Variants in CHD7 observed in about 807,000 individuals in gnomAD.
The protein encoded by CHD7 is chromodomain helicase DNA binding protein 7.
In CHD7, 24 loss-of-function variants were observed where a neutral mutation model predicts 307.3. That is an observed-to-expected ratio of 0.08 (90% CI 0.06 to 0.11). The LOEUF (loss-of-function observed/expected upper bound fraction) is 0.11. Among genes scored for constraint, CHD7 ranks in the 10% least tolerant of loss-of-function variants. The pLI, the probability that CHD7 is intolerant of heterozygous loss-of-function variation, is 1.00. For synonymous variants in CHD7, 1,363 were observed against 1,349.9 expected, an observed-to-expected ratio of 1.01 and a Z score of -0.21; for missense variants, 3,106 against 3,727.1, an observed-to-expected ratio of 0.83 and a Z score of 4.34.
At chr8:60,760,767 A>G (rs1472166514) in intron 2 of CHD7, among the ~76,000 whole-genome samples, 1 of 151,314 alleles carries the variant, frequency 6.6e-6, no homozygotes, top group Non-Finnish European at 1.5e-5. Context: ...TGGCCATCAG[A>G]GAAATGCAAA....
At chr8:60,776,328 T>C (rs967968037) in intron 2 of CHD7, among the ~76,000 whole-genome samples, 1 of 152,228 alleles carries the variant, frequency 6.6e-6, no homozygotes, top group African/African-American at 2.4e-5. Context: ...AGAATATTTT[T>C]GTGCTTTTTA....
chr8:60,862,317 A>G lies in CHD7; in HGVS notation c.7952A>G (p.Asn2651Ser), dbSNP rs780161032. The change falls in exon 36 of 38, where the codon AAT (asparagine) becomes AGT (serine). Residue 2651 changes from asparagine to serine, a missense_variant. Physicochemically the swap from Asn to Ser is conservative, Grantham distance 46 (BLOSUM62 1). This residue lies in a region of CHD7 where 59 missense variants were observed against 106.2 expected (regional missense o/e 0.56). Transcript: ENST00000423902. Reference sequence around the variant, plus strand: ...GGAGAAGAAAGGGTGCCTGTTGTCAATAAACGAAATGGGAAGAAGGTAAAC... The same window carrying G: ...GGAGAAGAAAGGGTGCCTGTTGTCAGTAAACGAAATGGGAAGAAGGTAAAC... ...LTGEERVPVV[N>S]KRNGKKMGGA... 1.8e-5 allele frequency: 29 copies of G among 1,604,512 alleles called. No individual in the cohort carries two copies. Among genetic ancestry groups the G allele is most frequent in the African/African-American group, 6.7e-5 (5 of 74,370 alleles).
At chr8:60,792,680 C>T (rs772488398) in intron 3 of CHD7, among the ~76,000 whole-genome samples, 11 of 152,158 alleles carry the variant, frequency 7.2e-5, no homozygotes, top group Non-Finnish European at 1.5e-4. Flanking sequence ...ATTGATGTTT[C>T]CTCAAACCTG....
At chr8:60,696,375 C>G (rs539400644) in intron 1 of CHD7, among the ~76,000 whole-genome samples, 1 of 152,308 alleles carries the variant, frequency 6.6e-6, no homozygotes, top group Admixed American at 6.5e-5. Context: ...TGCCTGACCG[C>G]TTAACTGTGT....
intron 1 of CHD7, among the ~76,000 whole-genome samples, chr8:60,720,752 A>T (rs958130029): frequency 1.1e-4 from 17 of 152,136 alleles, no homozygotes; most frequent in African/African-American, 3.9e-4. Flanking sequence ...AGGCTACTTA[A>T]CCTTTGAGCC....
rs142158335 is a variant in CHD7 at position 60,791,910 on chromosome 8, G to C, written c.2097-3076G>C. Among the ~76,000 whole-genome samples the C allele has an allele frequency of 3.5e-3, 533 of 152,302 alleles. 7 individuals carry two copies. Among genetic ancestry groups the C allele is most frequent in the African/African-American group, 0.012 (506 of 41,560 alleles). On this transcript the variant is annotated intron_variant, in intron 3 of 37. Coordinates refer to ENST00000423902, the MANE Select transcript of CHD7 (RefSeq NM_017780.4). ...ATCCTCAGTGAAGGGGGTCCTGTCT[G>C]TAAGTCTCTGCAGTTGAATCGGCCC...
chr8:60,833,034 A>G (rs1804592181), intron 15 of CHD7, among the ~76,000 whole-genome samples: 2 of 152,218 alleles, frequency 1.3e-5, no homozygotes, highest in South Asian at 4.1e-4. Context: ...CTGCCCAGAT[A>G]ACTTACGCAG....
intron 2 of CHD7, among the ~76,000 whole-genome samples, chr8:60,763,977 G>T (rs4738821): frequency 0.83 from 125,576 of 152,110 alleles, 52,099 homozygotes; most frequent in East Asian, 0.94. Context: ...GACTGAAATA[G>T]TTCTTTCTTT....
At chr8:60,795,197 C>T (rs1426609811) in intron 4 of CHD7, 70 bp downstream of exon 4, 3 of 1,411,534 alleles carry the variant, frequency 2.1e-6, no homozygotes, top group Non-Finnish European at 2.0e-6. Flanking sequence ...GTATGAAGTA[C>T]ACAAGACCTC....
intron 12 of CHD7, 83 bp downstream of exon 12, chr8:60,822,829 G>A (rs1373275845): frequency 2.2e-6 from 3 of 1,349,086 alleles, no homozygotes; most frequent in Non-Finnish European, 2.9e-6. Context: ...TGGTGACTTG[G>A]GAAGGTCTAA....
At chr8:60,746,098 A>G (rs1021990884) in intron 2 of CHD7, among the ~76,000 whole-genome samples, 13 of 152,242 alleles carry the variant, frequency 8.5e-5, no homozygotes, top group African/African-American at 2.6e-4. Flanking sequence ...CAGTGGCGCA[A>G]TCTTGGCTCA....
At chr8:60,810,434 T>G (rs185712701) in intron 7 of CHD7, among the ~76,000 whole-genome samples, 1 of 151,842 alleles carries the variant, frequency 6.6e-6, no homozygotes, top group Non-Finnish European at 1.5e-5. Flanking sequence ...CACACTTATC[T>G]GTTTATTATA....
chr8:60,722,910 A>G (rs1807982827), intron 1 of CHD7, among the ~76,000 whole-genome samples: 1 of 152,316 alleles, frequency 6.6e-6, no homozygotes, highest in Non-Finnish European at 1.5e-5. Context: ...GTAGCTTCTT[A>G]AAGGTTAGTT....
chr8:60,722,715 T>C (rs1417432910), intron 1 of CHD7, among the ~76,000 whole-genome samples: 2 of 152,234 alleles, frequency 1.3e-5, no homozygotes, highest in Non-Finnish European at 2.9e-5. Context: ...TAAATCTCTT[T>C]AATGCCTGGT....
chr8:60,863,676 C>T (rs1436471223), intron 37 of CHD7: 1 of 151,736 alleles, frequency 6.6e-6, no homozygotes, highest in African/African-American at 2.4e-5. Context: ...CATAAAACAT[C>T]CTGGGTTTAT....
At chr8:60,832,215 G>A (rs921175183) in intron 15 of CHD7, among the ~76,000 whole-genome samples, 2 of 152,060 alleles carry the variant, frequency 1.3e-5, no homozygotes, top group Non-Finnish European at 2.9e-5. Context: ...TGTAGAGACG[G>A]GGTTTCTCCA....
Position 60,742,972 on chromosome 8 carries a change from T to G in CHD7, c.1540T>G (p.Cys514Gly). 1 of 1,613,730 alleles carries G rather than the reference T, an allele frequency of 6.2e-7. No individual in the cohort carries two copies. The highest frequency in any genetic ancestry group is 8.5e-7 in the Non-Finnish European group (1 of 1,179,748). Residue 514 changes from cysteine (C) to glycine (G), a missense_variant, in exon 2 of 38, where the codon TGT becomes GGT. This residue lies in a region of CHD7 where 998 missense variants were observed against 1,004.5 expected (regional missense o/e 0.99). Coordinates refer to ENST00000423902, the MANE Select transcript of CHD7 (RefSeq NM_017780.4). ...QQPSFQQLPT[C>G]PPLQPHPGLH... ...GCCATCTTTTCAGCAGTTGCCAACC[T>G]GTCCTCCACTGCAGCCTCACCCGGG...
At chr8:60,712,781 T>C (rs1807347252) in intron 1 of CHD7, among the ~76,000 whole-genome samples, 1 of 151,352 alleles carries the variant, frequency 6.6e-6, no homozygotes, top group African/African-American at 2.4e-5. Flanking sequence ...CTGGGTGCAG[T>C]GGCTCACCCC....
intron 25 of CHD7, 115 bp from the exon 26 acceptor site, chr8:60,850,378 G>C: frequency 7.8e-7 from 1 of 1,287,336 alleles, no homozygotes; most frequent in Non-Finnish European, 1.1e-6. Flanking sequence ...ATTCAACAGA[G>C]ATGCTAACCT....
Sources: gnomAD v4.1 joint callset for allele counts (sites outside exome capture counted in the v4.1 genomes callset) on GRCh38, gnomAD v4.1.1 for gene constraint, gnomAD v4.1.1 regional missense constraint, MANE v1.5 for transcripts, NCBI Gene and HGNC (gene_info 2026-07-23, HGNC 2026-07-21) for gene names.